RBFOX1: variants seen among roughly 807,000 people sequenced by gnomAD.
RBFOX1 encodes RNA binding protein fox-1 homolog 1.
RBFOX1 carries 8 observed loss-of-function variants against 57.7 expected under a neutral mutation model. That is an observed-to-expected ratio of 0.14 (90% CI 0.08 to 0.25). The LOEUF (loss-of-function observed/expected upper bound fraction) is 0.25. Among genes scored for constraint, RBFOX1 ranks in the 10% least tolerant of loss-of-function variants. The pLI is 1.00. For missense variants in RBFOX1, 611 were observed against 548.5 expected, an observed-to-expected ratio of 1.11 and a Z score of -1.14; for synonymous variants, 326 against 222.4, an observed-to-expected ratio of 1.47 and a Z score of -4.15.
chr16:6,384,012 C>G (rs914535745), intron 2 of RBFOX1, among the ~76,000 whole-genome samples: 2 of 150,924 alleles, frequency 1.3e-5, no homozygotes, highest in Non-Finnish European at 2.9e-5. Flanking sequence ...TCTTTCTACC[C>G]TGAAATGTTT....
At chr16:7,146,825 C>G (rs1213281155) in intron 4 of RBFOX1, among the ~76,000 whole-genome samples, 3 of 149,990 alleles carry the variant, frequency 2.0e-5, no homozygotes, top group African/African-American at 7.4e-5. Context: ...TGGCACATGC[C>G]TGTAGTCCCA....
intron 1 of RBFOX1, chr16:6,092,605 A>G (rs745357160): frequency 1.3e-5 from 2 of 152,234 alleles, no homozygotes; most frequent in Non-Finnish European, 2.9e-5. Context: ...TCTTCTGCAT[A>G]TGGCTAGTCA....
rs552394102 is a variant in RBFOX1 at position 6,844,126 on chromosome 16, T to C, written c.-16+189476T>C. On this transcript the variant is annotated intron_variant, in intron 3 of 15. Transcript: ENST00000550418. ...CACCATCACATCTTCCCTGCATGGC[T>C]TTTCTCTCTCTCCATCATTACCCCT... Among the ~76,000 whole-genome samples the C allele has an allele frequency of 2.6e-3, 155 of 59,500 alleles. 2 individuals are homozygous for C. The East Asian group carries it at 0.096, about 37-fold the overall frequency. 39.0% of individuals were successfully genotyped at this position (59,500 alleles called of 152,430 possible). A position where few individuals can be genotyped will look rare whatever the true frequency, so the allele number is the denominator to read the frequency against.
intron 4 of RBFOX1, among the ~76,000 whole-genome samples, chr16:7,195,340 G>A (rs1158060720): frequency 6.6e-6 from 1 of 152,078 alleles, no homozygotes; most frequent in East Asian, 1.9e-4. Flanking sequence ...GTCTTTTCTA[G>A]CCAGTTTCAC....
At chr16:6,062,080 T>G (rs562945636) in intron 1 of RBFOX1, among the ~76,000 whole-genome samples, 1 of 152,208 alleles carries the variant, frequency 6.6e-6, no homozygotes, top group African/African-American at 2.4e-5. Flanking sequence ...GATATTACAA[T>G]GGATAGAGAT....
chr16:6,458,837 C>T (rs539317397), intron 2 of RBFOX1, among the ~76,000 whole-genome samples: 4 of 152,310 alleles, frequency 2.6e-5, no homozygotes, highest in African/African-American at 9.6e-5. Flanking sequence ...GCATCTTGCC[C>T]TTGCAATACT....
intron 4 of RBFOX1, among the ~76,000 whole-genome samples, chr16:7,187,146 G>T (rs1376794762): frequency 6.6e-6 from 1 of 151,884 alleles, no homozygotes; most frequent in Non-Finnish European, 1.5e-5. Context: ...TCCAGCTTGG[G>T]CGATGGAGTG....
At chr16:6,423,832 T>C (rs554523144) in intron 2 of RBFOX1, among the ~76,000 whole-genome samples, 1 of 151,862 alleles carries the variant, frequency 6.6e-6, no homozygotes, top group South Asian at 2.1e-4. Flanking sequence ...AGAAGAGAAA[T>C]GAGGAGCCCA....
intron 2 of RBFOX1, among the ~76,000 whole-genome samples, chr16:5,496,349 C>A (rs1652299530): frequency 6.6e-6 from 1 of 152,138 alleles, no homozygotes; most frequent in Non-Finnish European, 1.5e-5. Flanking sequence ...TTGGGGACCT[C>A]CCTTAGCCCT....
intron 1 of RBFOX1, among the ~76,000 whole-genome samples, chr16:6,191,129 G>GTTTT (rs5815289): frequency 7.5e-6 from 1 of 133,948 alleles, no homozygotes. Flanking sequence ...TGCGTCTGTG[G>GTTTT]TTTTTTTTTT....
In RBFOX1 at chr16:5,811,143, A is replaced by T. The variant is rs975194602; in HGVS notation, c.319-56160A>T. On this transcript the variant is annotated intron_variant, in intron 3 of 19. Coordinates refer to the RBFOX1 transcript ENST00000641259. Reference sequence around the variant, plus strand: ...ATATAAATGAAATCTTATGGAACAAATTTTTTTTTTTTTTTTTTTTTTTGA... The same window carrying T: ...ATATAAATGAAATCTTATGGAACAATTTTTTTTTTTTTTTTTTTTTTTTGA... Among the ~76,000 whole-genome samples, 5 of 104,574 alleles carry T rather than the reference A, an allele frequency of 4.8e-5. No individual in the cohort carries two copies. In the South Asian group the frequency reaches 1.0e-3, roughly 21 times the overall value. 68.6% of individuals were successfully genotyped at this position (104,574 alleles called of 152,430 possible).
chr16:5,482,152 CT>C (rs2069565892), intron 2 of RBFOX1, among the ~76,000 whole-genome samples: 1 of 152,106 alleles, frequency 6.6e-6, no homozygotes, highest in Non-Finnish European at 1.5e-5. Context: ...TGTGAGAATG[CT>C]TTTTTCACTC....
chr16:6,250,439 T>G (rs980212358), intron 1 of RBFOX1, among the ~76,000 whole-genome samples: 2 of 152,166 alleles, frequency 1.3e-5, no homozygotes, highest in Non-Finnish European at 2.9e-5. Flanking sequence ...TATCTTTATG[T>G]CAAAGAAAAT....
chr16:6,642,802 C>T (rs1428233953), intron 2 of RBFOX1, among the ~76,000 whole-genome samples: 6 of 152,044 alleles, frequency 3.9e-5, no homozygotes, highest in African/African-American at 1.4e-4. Flanking sequence ...GAAAATATCC[C>T]CTTAGGCCCC....
chr16:5,560,333 A>T (rs2045846750), intron 2 of RBFOX1, among the ~76,000 whole-genome samples: 1 of 151,998 alleles, frequency 6.6e-6, no homozygotes. Context: ...GCACTTAGTC[A>T]CCTCCTCTAG....
chr16:5,629,039 C>T (rs1054201598), intron 3 of RBFOX1, among the ~76,000 whole-genome samples: 6 of 152,002 alleles, frequency 3.9e-5, no homozygotes, highest in African/African-American at 9.7e-5. Flanking sequence ...AAGCACCCAT[C>T]GTAGGGCAAA....
intron 3 of RBFOX1, among the ~76,000 whole-genome samples, chr16:6,882,397 C>G (rs74646411): frequency 8.2e-4 from 124 of 152,044 alleles, no homozygotes; most frequent in African/African-American, 2.8e-3. Flanking sequence ...CTCTCTCTTC[C>G]CAGCCTGGCC....
intron 3 of RBFOX1, among the ~76,000 whole-genome samples, chr16:6,943,860 C>G (rs1257761015): frequency 6.6e-6 from 1 of 152,138 alleles, no homozygotes; most frequent in Non-Finnish European, 1.5e-5. Context: ...CTAGCTTTTT[C>G]TGTACCTCAC....
intron 2 of RBFOX1, among the ~76,000 whole-genome samples, chr16:6,649,597 T>C (rs377381118): frequency 3.3e-5 from 5 of 152,332 alleles, no homozygotes; most frequent in African/African-American, 7.2e-5. Context: ...CTCCCACTTA[T>C]GAATGAGAAC....
Sources: gnomAD v4.1 joint callset for allele counts (sites outside exome capture counted in the v4.1 genomes callset) on GRCh38, gnomAD v4.1.1 for gene constraint, MANE v1.5 for transcripts, NCBI Gene and HGNC (gene_info 2026-07-23, HGNC 2026-07-21) for gene names.